Variants in SORCS3 observed in about 807,000 individuals in gnomAD.
The protein encoded by SORCS3 is sortilin related VPS10 domain containing receptor 3.
Under a neutral mutation model 146.3 loss-of-function variants are expected in SORCS3, and 57 were observed. That is an observed-to-expected ratio of 0.39 (90% CI 0.31 to 0.49). The LOEUF is 0.49. SORCS3 is among the 20% of genes least tolerant of loss of function. The probability of loss-of-function intolerance (pLI) is 0.92; values close to 1 mark genes in which losing one functional copy is unlikely to be tolerated. For missense variants in SORCS3, 1,341 were observed against 1,575.5 expected, an observed-to-expected ratio of 0.85 and a Z score of 2.52; for synonymous variants, 653 against 618.5, an observed-to-expected ratio of 1.06 and a Z score of -0.83.
At chr10:104,683,810 A>T (rs1049098669) in intron 1 of SORCS3, among the ~76,000 whole-genome samples, 1 of 152,022 alleles carries the variant, frequency 6.6e-6, no homozygotes, top group African/African-American at 2.4e-5. Context: ...CAAACAAACA[A>T]TTTGCTTATT....
intron 3 of SORCS3, among the ~76,000 whole-genome samples, chr10:104,941,956 G>A (rs2019324388): frequency 6.6e-6 from 1 of 152,086 alleles, no homozygotes; most frequent in Admixed American, 6.5e-5. Flanking sequence ...GGAGTATTGA[G>A]AAAAAAAGAC....
At chr10:105,190,529 G>T (rs141060673) in intron 14 of SORCS3, among the ~76,000 whole-genome samples, 1 of 152,174 alleles carries the variant, frequency 6.6e-6, no homozygotes, top group African/African-American at 2.4e-5. Context: ...CTCCTGAGTG[G>T]CTGGGATTAC....
chr10:105,116,403 C>A (rs1418986842), intron 7 of SORCS3, among the ~76,000 whole-genome samples: 1 of 152,180 alleles, frequency 6.6e-6, no homozygotes, highest in African/African-American at 2.4e-5. Flanking sequence ...ACTTCAGCAA[C>A]AGGAATCCAA....
At chr10:104,687,043 A>G (rs1175904135) in intron 1 of SORCS3, among the ~76,000 whole-genome samples, 3 of 152,026 alleles carry the variant, frequency 2.0e-5, no homozygotes, top group African/African-American at 7.3e-5. Flanking sequence ...CCATGCATGA[A>G]TTCATCCATC....
intron 5 of SORCS3, among the ~76,000 whole-genome samples, chr10:105,071,462 A>G (rs2055555821): frequency 6.6e-6 from 1 of 152,242 alleles, no homozygotes; most frequent in Non-Finnish European, 1.5e-5. Context: ...AAGTCCAGAT[A>G]CCGTGCTAAG....
At chr10:105,089,875 A>T in intron 6 of SORCS3, 36 bp downstream of exon 6, 1 of 1,561,102 alleles carries the variant, frequency 6.4e-7, no homozygotes, top group Non-Finnish European at 8.8e-7. Context: ...GCCCAGGGAG[A>T]TCTGCCTGCA....
chr10:105,230,080 C>G (rs2119687653), intron 20 of SORCS3, among the ~76,000 whole-genome samples: 1 of 152,170 alleles, frequency 6.6e-6, no homozygotes, highest in African/African-American at 2.4e-5. Flanking sequence ...TGGACCCAAC[C>G]TGGTGGTAGT....
chr10:105,179,219 C>T (rs577503551), intron 14 of SORCS3, among the ~76,000 whole-genome samples: 1 of 152,300 alleles, frequency 6.6e-6, no homozygotes, highest in East Asian at 1.9e-4. Context: ...TGAACAACAT[C>T]ATGTGTATGC....
In SORCS3 at chr10:105,198,227, G is replaced by A. The variant is rs553292770; in HGVS notation, c.2010-1772G>A. On this transcript the variant is annotated intron_variant, in intron 14 of 26. Transcript: ENST00000369701. ...TTTTTGTGATCCAGGAAGTAAATTT[G>A]AACTATGTGGAGTCAACAGAAATAT... is the stretch of plus-strand genomic sequence containing the variant. Among the ~76,000 whole-genome samples the A allele has an allele frequency of 6.8e-4, 103 of 152,216 alleles. 1 individual carries two copies. Among genetic ancestry groups the A allele is most frequent in the Admixed American group, 1.4e-3 (22 of 15,282 alleles).
chr10:105,016,155 A>ATATATATATATATTTTTTT (rs71482443), intron 4 of SORCS3, among the ~76,000 whole-genome samples: 2 of 101,344 alleles, frequency 2.0e-5, no homozygotes, highest in Admixed American at 1.0e-4. Context: ...ATATATATAT[A>ATATATATATATATTTTTTT]TTTTTTTTTT....
chr10:104,930,620 C>T (rs2133610488), intron 3 of SORCS3, among the ~76,000 whole-genome samples: 1 of 152,274 alleles, frequency 6.6e-6, no homozygotes, highest in East Asian at 1.9e-4. Context: ...TTGGAAAATG[C>T]CTTAGTGTTC....
intron 18 of SORCS3, among the ~76,000 whole-genome samples, chr10:105,216,141 C>T (rs2056663745): frequency 6.6e-6 from 1 of 152,046 alleles, no homozygotes. Flanking sequence ...TATCTGTGAA[C>T]TGGGACAATC....
intron 1 of SORCS3, among the ~76,000 whole-genome samples, chr10:104,772,337 C>G (rs934026584): frequency 6.6e-6 from 1 of 152,178 alleles, no homozygotes; most frequent in African/African-American, 2.4e-5. Flanking sequence ...GCTTGCTCTC[C>G]CACAACAGGG....
At chr10:104,654,430 A>G (rs1589448000) in intron 1 of SORCS3, among the ~76,000 whole-genome samples, 3 of 152,288 alleles carry the variant, frequency 2.0e-5, no homozygotes, top group Middle Eastern at 3.4e-3. Context: ...AACAGTGTAC[A>G]AGGGTTCCCT....
At chr10:104,791,997 A>G (rs1322835406) in intron 1 of SORCS3, among the ~76,000 whole-genome samples, 1 of 152,130 alleles carries the variant, frequency 6.6e-6, no homozygotes, top group Non-Finnish European at 1.5e-5. Context: ...TTTATGTTTT[A>G]TGTACCTCTT....
intron 1 of SORCS3, among the ~76,000 whole-genome samples, chr10:104,723,464 G>A (rs2016577650): frequency 6.6e-6 from 1 of 152,176 alleles, no homozygotes; most frequent in South Asian, 2.1e-4. Context: ...TTTTGATTTG[G>A]GGTGGAGAGT....
intron 7 of SORCS3, among the ~76,000 whole-genome samples, chr10:105,107,014 T>C (rs1485056883): frequency 6.6e-6 from 1 of 152,140 alleles, no homozygotes; most frequent in Admixed American, 6.6e-5. Context: ...TTTGATGACT[T>C]TCAAGTCAGT....
At chr10:105,116,804 C>G (rs1172194684) in intron 7 of SORCS3, among the ~76,000 whole-genome samples, 1 of 152,096 alleles carries the variant, frequency 6.6e-6, no homozygotes, top group Non-Finnish European at 1.5e-5. Flanking sequence ...ATATACCTCA[C>G]GTTCTCACTT....
chr10:104,912,455 A>G (rs2018978766), intron 2 of SORCS3, among the ~76,000 whole-genome samples: 1 of 152,208 alleles, frequency 6.6e-6, no homozygotes, highest in Admixed American at 6.5e-5. Context: ...TTCTACTACA[A>G]GTGAATTACA....
Sources: gnomAD v4.1 joint callset for allele counts (sites outside exome capture counted in the v4.1 genomes callset) on GRCh38, gnomAD v4.1.1 for gene constraint, MANE v1.5 for transcripts, NCBI Gene and HGNC (gene_info 2026-07-23, HGNC 2026-07-21) for gene names.